The following RASA2 variants were observed in gnomAD, a reference collection of about 807,000 sequenced individuals.
RASA2 encodes the protein RAS p21 protein activator 2.
RASA2 carries 155 observed loss-of-function variants against 118.2 expected under a neutral mutation model. The observed-to-expected ratio is 1.31, with a 90% confidence interval of 1.15 to 1.50. The LOEUF (loss-of-function observed/expected upper bound fraction) is 1.50. RASA2 is among the 40% of genes most tolerant of loss of function. The pLI is 0.00. For missense variants in RASA2, 1,016 were observed against 1,009.6 expected, an observed-to-expected ratio of 1.01 and a Z score of -0.09; for synonymous variants, 353 against 349.1, an observed-to-expected ratio of 1.01 and a Z score of -0.12.
intron 3 of RASA2, among the ~76,000 whole-genome samples, chr3:141,524,472 G>T (rs996978270): frequency 2.6e-5 from 4 of 152,094 alleles, no homozygotes; most frequent in African/African-American, 9.7e-5. Context: ...GTACACTAAG[G>T]CTTCGAAGTG....
At chr3:141,580,844 AAGC>A (rs2083101847) in intron 16 of RASA2, among the ~76,000 whole-genome samples, 1 of 152,000 alleles carries the variant, frequency 6.6e-6, no homozygotes, top group South Asian at 2.1e-4. Context: ...AAAAAAAAAA[AAGC>A]AGACAGTTTC....
Position 141,512,253 on chromosome 3 carries a change from G to A in RASA2, c.224G>A (p.Arg75His), listed in dbSNP as rs759141778. ...AATTTGGACCAGGAAGAAGTTTATC[G>A]TACCCAAGTTGTGGAAAAATCTTTA... ...TINLDQEEVY[R>H]TQVVEKSLSP... The change falls in exon 2 of 24, where the codon CGT becomes CAT. Residue 75 changes from arginine (R) to histidine (H), a missense_variant. Coordinates refer to ENST00000286364, the MANE Select transcript of RASA2 (RefSeq NM_006506.5). 1.2e-5 allele frequency: 19 copies of A among 1,589,448 alleles called. No individual in the cohort carries two copies. The highest frequency in any genetic ancestry group is 2.3e-5 in the South Asian group (2 of 85,670).
At chr3:141,561,516 G>A (rs555518714) in intron 9 of RASA2, among the ~76,000 whole-genome samples, 46 of 152,268 alleles carry the variant, frequency 3.0e-4, no homozygotes, top group African/African-American at 1.1e-3. Context: ...AGGAACATCT[G>A]GTAATTCATA....
At chr3:141,586,559 A>T in intron 18 of RASA2, 87 bp from the exon 19 acceptor site, 1 of 831,592 alleles carries the variant, frequency 1.2e-6, no homozygotes, top group Middle Eastern at 2.8e-4. Flanking sequence ...ACTACTATTC[A>T]TGTCATTTAA....
intron 1 of RASA2, among the ~76,000 whole-genome samples, chr3:141,490,217 C>A (rs2081623551): frequency 6.6e-6 from 1 of 151,488 alleles, no homozygotes; most frequent in South Asian, 2.1e-4. Context: ...GTCATATGAA[C>A]CCTTGATAAA....
intron 4 of RASA2, among the ~76,000 whole-genome samples, chr3:141,536,783 A>G (rs2082333347): frequency 7.3e-6 from 1 of 137,784 alleles, no homozygotes. Flanking sequence ...TTTTTTTGAG[A>G]TGGAGTTCTG....
At chr3:141,606,132 C>A (rs1490128854) in intron 19 of RASA2, among the ~76,000 whole-genome samples, 1 of 152,188 alleles carries the variant, frequency 6.6e-6, no homozygotes, top group Non-Finnish European at 1.5e-5. Flanking sequence ...CTTCAGCTGT[C>A]TGTGTCCACT....
intron 1 of RASA2, among the ~76,000 whole-genome samples, chr3:141,502,956 T>C (rs942076707): frequency 3.3e-5 from 5 of 152,116 alleles, no homozygotes; most frequent in African/African-American, 1.2e-4. Flanking sequence ...ACCTTAAGAG[T>C]TGAATAGAAA....
chr3:141,582,713 A>C (rs58701841), intron 17 of RASA2, among the ~76,000 whole-genome samples: 1,892 of 152,280 alleles, frequency 0.012, 43 homozygotes, highest in African/African-American at 0.043. Flanking sequence ...CTAATATCCT[A>C]GTTTCCTTTA....
chr3:141,517,486 A>T (rs2082044378), intron 3 of RASA2, among the ~76,000 whole-genome samples: 1 of 152,076 alleles, frequency 6.6e-6, no homozygotes, highest in Non-Finnish European at 1.5e-5. Flanking sequence ...ACACACTTTT[A>T]CAATAACCAG....
At chr3:141,490,067 G>C (rs1200752799) in intron 1 of RASA2, among the ~76,000 whole-genome samples, 2 of 151,118 alleles carry the variant, frequency 1.3e-5, no homozygotes, top group African/African-American at 4.9e-5. Flanking sequence ...CAGGGAATTC[G>C]AGATCCATCT....
At chr3:141,609,635 AT>A (rs1324188123) in intron 22 of RASA2, 112 bp downstream of exon 22, 2 of 922,506 alleles carry the variant, frequency 2.2e-6, no homozygotes, top group Non-Finnish European at 3.1e-6. Flanking sequence ...CCAAAATGTT[AT>A]TTATTGAAAG....
intron 17 of RASA2, among the ~76,000 whole-genome samples, chr3:141,584,875 T>C (rs1005535464): frequency 2.4e-4 from 37 of 152,244 alleles, no homozygotes; most frequent in Admixed American, 1.2e-3. Flanking sequence ...ATTCATTCTC[T>C]CTCTCTCCAT....
intron 2 of RASA2, among the ~76,000 whole-genome samples, chr3:141,514,987 A>G (rs1394326932): frequency 6.6e-6 from 1 of 152,162 alleles, no homozygotes; most frequent in Non-Finnish European, 1.5e-5. Context: ...AGGTTGGGGC[A>G]GGTATGATGG....
intron 1 of RASA2, among the ~76,000 whole-genome samples, chr3:141,502,353 C>A (rs1233456582): frequency 1.3e-5 from 2 of 152,120 alleles, no homozygotes; most frequent in South Asian, 2.1e-4. Flanking sequence ...GAAGTATGAA[C>A]CACACAGAAA....
chr3:141,563,798 T>G (rs1455627050), intron 9 of RASA2, among the ~76,000 whole-genome samples: 1 of 152,204 alleles, frequency 6.6e-6, no homozygotes, highest in Non-Finnish European at 1.5e-5. Flanking sequence ...GTTTGAACTC[T>G]GGCATATTTC....
At chr3:141,544,983 C>G (rs1282848155) in intron 5 of RASA2, among the ~76,000 whole-genome samples, 1 of 152,164 alleles carries the variant, frequency 6.6e-6, no homozygotes, top group Non-Finnish European at 1.5e-5. Flanking sequence ...ACGTTAGGGC[C>G]TACCAGAGGG....
intron 4 of RASA2, among the ~76,000 whole-genome samples, chr3:141,534,261 G>C (rs1017371415): frequency 6.6e-6 from 1 of 152,132 alleles, no homozygotes; most frequent in African/African-American, 2.4e-5. Flanking sequence ...AACCAGGCCG[G>C]GTATGGTGGC....
At chr3:141,573,522 C>T (rs572694409) in intron 13 of RASA2, among the ~76,000 whole-genome samples, 1 of 152,286 alleles carries the variant, frequency 6.6e-6, no homozygotes, top group South Asian at 2.1e-4. Context: ...TCAAACTGAT[C>T]AGGCTAAGTG....
Sources: gnomAD v4.1 joint callset for allele counts (sites outside exome capture counted in the v4.1 genomes callset) on GRCh38, gnomAD v4.1.1 for gene constraint, MANE v1.5 for transcripts, NCBI Gene and HGNC (gene_info 2026-07-23, HGNC 2026-07-21) for gene names.